Variants in DOCK2 observed in about 807,000 individuals in gnomAD.
The protein encoded by DOCK2 is dedicator of cytokinesis protein 2.
DOCK2 carries 87 observed loss-of-function variants against 248.9 expected under a neutral mutation model. That is an observed-to-expected ratio of 0.35 (90% CI 0.29 to 0.42). DOCK2 has a LOEUF of 0.42. DOCK2 is among the 10% of genes least tolerant of loss of function. The pLI, the probability that DOCK2 is intolerant of heterozygous loss-of-function variation, is 1.00. For missense variants in DOCK2, 1,747 were observed against 2,300.2 expected (o/e 0.76, Z 4.92); for synonymous variants, 805 against 821.6 (o/e 0.98, Z 0.35).
chr5:169,767,808 G>A lies in DOCK2; in HGVS notation c.2554+6183G>A, dbSNP rs1398675768. Among the ~76,000 whole-genome samples the A allele has an allele frequency of 3.3e-5, 5 of 152,302 alleles. No individual in the cohort carries two copies. The South Asian group carries it at 1.0e-3, about 32-fold the overall frequency. Reference sequence around the variant, plus strand: ...AGCTCTGTATCAGGTATTACATACAGCATAAATATATATTAAGTTTTTACA... The same window carrying A: ...AGCTCTGTATCAGGTATTACATACAACATAAATATATATTAAGTTTTTACA... On this transcript the variant is annotated intron_variant, in intron 25 of 51. Transcript: ENST00000520908.
In DOCK2 at chr5:169,882,752, G is replaced by A. The variant is rs1261088240; in HGVS notation, c.2799+41900G>A. On this transcript the variant is annotated intron_variant, in intron 27 of 51. Transcript: ENST00000520908. ...TGAAGTTTGGTCTCACTCCTTGAAA[G>A]AGAGGATGGGAGATGATTACTTCCT... 8 of 1,551,812 alleles carry A rather than the reference G, an allele frequency of 5.2e-6. No individual in the cohort carries two copies. The East Asian group carries it at 1.7e-4, about 33-fold the overall frequency.
chr5:169,773,219 G>A (rs1765193391), intron 25 of DOCK2: 1 of 152,162 alleles, frequency 6.6e-6, no homozygotes, highest in South Asian at 2.1e-4. Context: ...GTGATTTAAT[G>A]TGCTGCAGAA....
rs1435409949 is a variant in DOCK2 at position 169,712,021 on chromosome 5, T to G, written c.1555+14T>G. The G allele has an allele frequency of 1.2e-6, 2 of 1,614,136 alleles. No individual in the cohort carries two copies. The highest frequency in any genetic ancestry group is 1.3e-5 in the African/African-American group (1 of 75,060). On this transcript the variant is annotated intron_variant, in intron 16 of 51. Transcript: ENST00000520908. ...CATCTCTGGAATGTGAGTACCATAC[T>G]GAATGGCATCTCTGCACCTCCCCCT...
At chr5:169,843,964 A>G (rs565449750) in intron 27 of DOCK2, among the ~76,000 whole-genome samples, 1 of 152,292 alleles carries the variant, frequency 6.6e-6, no homozygotes, top group East Asian at 1.9e-4. Context: ...GTGGATGGAT[A>G]TTTGGATTGT....
intron 27 of DOCK2, among the ~76,000 whole-genome samples, chr5:169,866,394 C>G (rs1452104661): frequency 1.3e-5 from 2 of 152,224 alleles, no homozygotes; most frequent in African/African-American, 4.8e-5. Flanking sequence ...TTTCCCACTT[C>G]CAGGCTATGG....
At chr5:170,055,461 G>A (rs1757092845) in intron 42 of DOCK2, 75 bp downstream of exon 42, 1 of 1,351,674 alleles carries the variant, frequency 7.4e-7, no homozygotes, top group Non-Finnish European at 1.1e-6. Context: ...GCTGGTGGCA[G>A]AACAGACCCC....
At chr5:169,639,883 A>C (rs184350532) in intron 1 of DOCK2, among the ~76,000 whole-genome samples, 1 of 152,310 alleles carries the variant, frequency 6.6e-6, no homozygotes, top group Admixed American at 6.5e-5. Context: ...GCAAAATACC[A>C]CCAACTGGGT....
intron 26 of DOCK2, among the ~76,000 whole-genome samples, chr5:169,807,226 A>G (rs1316059679): frequency 6.6e-6 from 1 of 152,186 alleles, no homozygotes; most frequent in Non-Finnish European, 1.5e-5. Context: ...ACTGTCAGCC[A>G]GCATGAAGAG....
intron 5 of DOCK2, among the ~76,000 whole-genome samples, chr5:169,674,080 G>A (rs1759194188): frequency 6.6e-6 from 1 of 152,112 alleles, no homozygotes; most frequent in African/African-American, 2.4e-5. Flanking sequence ...AAATGATTGA[G>A]ATTTTTATTT....
rs1211472982 is a variant in DOCK2 at position 170,047,228 on chromosome 5, G to A, written c.3967-282G>A. Among the ~76,000 whole-genome samples the A allele has an allele frequency of 3.3e-5, 5 of 152,214 alleles. No individual in the cohort carries two copies. In the East Asian group the frequency reaches 7.7e-4, roughly 24 times the overall value. On this transcript the variant is annotated intron_variant, in intron 39 of 51. Transcript: ENST00000520908. ...GCTCCATGCTTACTGGCTGCTTTAC[G>A]AGATACCATTTCTTTATCTGCAAAA...
chr5:169,913,532 C>T (rs1774717774), intron 27 of DOCK2, among the ~76,000 whole-genome samples: 1 of 152,078 alleles, frequency 6.6e-6, no homozygotes, highest in African/African-American at 2.4e-5. Context: ...AAATGCATTA[C>T]TCAAAAGGAG....
chr5:170,054,745 C>T lies in DOCK2; in HGVS notation c.4214-560C>T, dbSNP rs182300400. 6.6e-5 allele frequency among the ~76,000 whole-genome samples: 10 copies of T among 152,318 alleles called. 1 individual carries two copies. The highest frequency in any genetic ancestry group is 5.2e-4 in the Admixed American group (8 of 15,304). On this transcript the variant is annotated intron_variant, in intron 41 of 51. Coordinates refer to ENST00000520908, the MANE Select transcript of DOCK2 (RefSeq NM_004946.3). The stretch of plus-strand genomic sequence containing the variant: ...GTCCAGAGTCTCCACTTCTAACAAA[C>T]TTACGGGTAATGCTGACACTACTGG...
At chr5:169,871,611 T>A (rs922741110) in intron 27 of DOCK2, among the ~76,000 whole-genome samples, 3 of 152,214 alleles carry the variant, frequency 2.0e-5, no homozygotes, top group African/African-American at 7.2e-5. Flanking sequence ...CCTGACAGTC[T>A]AGCCCCAAAG....
At chr5:169,725,400 T>C (rs1358821047) in intron 22 of DOCK2, among the ~76,000 whole-genome samples, 1 of 152,254 alleles carries the variant, frequency 6.6e-6, no homozygotes, top group Non-Finnish European at 1.5e-5. Context: ...CTCATGAACA[T>C]ATGTGAAAGT....
chr5:170,075,495 C>T lies in DOCK2; in HGVS notation c.4729-452C>T, dbSNP rs114683760. On this transcript the variant is annotated intron_variant, in intron 46 of 51. Transcript: ENST00000520908. The stretch of plus-strand genomic sequence containing the variant: ...GTGGTAAGATGAGGCTATGCCCCCT[C>T]CTCTGTTTTCTCTCAGCTCTTGCCT... 1.3e-3 allele frequency: 214 copies of T among 159,906 alleles called. 2 individuals carry two copies. The highest frequency in any genetic ancestry group is 4.9e-3 in the African/African-American group (206 of 41,692). 9.9% of individuals were successfully genotyped at this position (159,906 alleles called of 1,614,324 possible).
At chr5:169,839,607 G>C (rs1769817810) in intron 26 of DOCK2, among the ~76,000 whole-genome samples, 1 of 152,160 alleles carries the variant, frequency 6.6e-6, no homozygotes, top group Non-Finnish European at 1.5e-5. Context: ...TACAACAAAA[G>C]CTCAAAAAGG....
intron 22 of DOCK2, among the ~76,000 whole-genome samples, chr5:169,730,809 A>G (rs1762729247): frequency 1.3e-5 from 2 of 152,078 alleles, no homozygotes; most frequent in African/African-American, 4.8e-5. Flanking sequence ...TTCAGCCACC[A>G]TGAATTTTTG....
chr5:169,765,490 G>A (rs1301006293), intron 25 of DOCK2, among the ~76,000 whole-genome samples: 1 of 152,202 alleles, frequency 6.6e-6, no homozygotes, highest in Admixed American at 6.5e-5. Context: ...CCCGGAGAAA[G>A]CTCCAAGAGG....
chr5:169,889,709 G>C (rs936605958), intron 27 of DOCK2, among the ~76,000 whole-genome samples: 7 of 152,322 alleles, frequency 4.6e-5, no homozygotes, highest in East Asian at 1.9e-4. Flanking sequence ...ATTCAGATCT[G>C]CCATTGTGGC....
Sources: allele counts gnomAD v4.1 joint callset (sites outside exome capture counted in the v4.1 genomes callset), GRCh38; gene constraint gnomAD v4.1.1; transcripts MANE v1.5; gene names NCBI Gene and HGNC (gene_info 2026-07-23, HGNC 2026-07-21).